The following SAMMSON variants were observed in gnomAD, a reference collection of about 807,000 sequenced individuals.
The protein encoded by SAMMSON is survival associated mitochondrial melanoma specific oncogenic non-coding RNA, also known as long intergenic non-protein coding RNA 1212.
intron 4 of SAMMSON, among the ~76,000 whole-genome samples, chr3:70,089,679 A>G (rs1248717970): frequency 6.6e-6 from 1 of 152,112 alleles, no homozygotes; most frequent in Non-Finnish European, 1.5e-5. Context: ...TATTTTGAGG[A>G]AGAATAAGGT....
At chr3:70,056,549 TTCTCTCTCTC>T (rs138631519) in intron 3 of SAMMSON, among the ~76,000 whole-genome samples, 1 of 149,730 alleles carries the variant, frequency 6.7e-6, no homozygotes, top group Non-Finnish European at 1.5e-5. Context: ...TACATATTGT[TTCTCTCTCTC>T]TCTCTCTCTC....
chr3:70,191,473 G>A (rs1201709097), intron 4 of SAMMSON, among the ~76,000 whole-genome samples: 1 of 152,144 alleles, frequency 6.6e-6, no homozygotes, highest in Admixed American at 6.6e-5. Context: ...TTTCTAAAAT[G>A]GAACACTAAA....
At chr3:70,427,841 T>C (rs541848291) in intron 2 of SAMMSON, among the ~76,000 whole-genome samples, 1 of 152,246 alleles carries the variant, frequency 6.6e-6, no homozygotes, top group African/African-American at 2.4e-5. Context: ...TCAGTGTTAA[T>C]TAACTTCAAG....
At chr3:70,326,875 T>C (rs1702584140) in intron 7 of SAMMSON, among the ~76,000 whole-genome samples, 1 of 152,146 alleles carries the variant, frequency 6.6e-6, no homozygotes, top group African/African-American at 2.4e-5. Context: ...TATATATTTT[T>C]TGAGACAGAG....
chr3:70,226,734 T>C (rs1701510303), intron 4 of SAMMSON, among the ~76,000 whole-genome samples: 1 of 118,972 alleles, frequency 8.4e-6, no homozygotes, highest in African/African-American at 3.8e-5. Context: ...AGAGACTCTG[T>C]CTTAAAAAAA....
intron 3 of SAMMSON, among the ~76,000 whole-genome samples, chr3:70,033,418 A>G (rs1389679070): frequency 6.6e-6 from 1 of 152,020 alleles, no homozygotes; most frequent in Non-Finnish European, 1.5e-5. Context: ...GGGCTGCCAT[A>G]ACATCACCAA....
At chr3:70,083,430 CCGA>C (rs1295545342) in intron 4 of SAMMSON, among the ~76,000 whole-genome samples, 2 of 152,160 alleles carry the variant, frequency 1.3e-5, no homozygotes, top group African/African-American at 4.8e-5. Context: ...ACCTCTATCC[CCGA>C]CTTCTAGCAA....
At chr3:70,057,891 A>G (rs2067173709) in intron 3 of SAMMSON, among the ~76,000 whole-genome samples, 1 of 152,052 alleles carries the variant, frequency 6.6e-6, no homozygotes, top group Non-Finnish European at 1.5e-5. Context: ...TTTGAGTGGA[A>G]AATCCTGTTC....
At chr3:70,392,081 A>G (rs1701053642), downstream of SAMMSON, among the ~76,000 whole-genome samples, 1 of 152,106 alleles carries the variant, frequency 6.6e-6, no homozygotes, top group South Asian at 2.1e-4. Flanking sequence ...GCCCTAGACT[A>G]ATTGGAAATT....
At chr3:70,295,904 T>G (rs976628924) in intron 7 of SAMMSON, among the ~76,000 whole-genome samples, 4 of 152,302 alleles carry the variant, frequency 2.6e-5, no homozygotes, top group East Asian at 3.9e-4. Context: ...TTTCCCATAC[T>G]TGCTCATTAT....
chr3:70,290,531 C>A (rs576722517), intron 6 of SAMMSON, among the ~76,000 whole-genome samples: 7 of 152,324 alleles, frequency 4.6e-5, no homozygotes, highest in Admixed American at 4.6e-4. Context: ...GTGCCCTGCC[C>A]CCAGAGGTGG....
chr3:70,389,298 T>A (rs1281969064), intron 9 of SAMMSON, among the ~76,000 whole-genome samples: 2 of 151,870 alleles, frequency 1.3e-5, no homozygotes, highest in African/African-American at 4.8e-5. Flanking sequence ...TAACTTGAAA[T>A]CTTATAAATC....
At chr3:70,255,565 TCA>T (rs1309435280) in intron 6 of SAMMSON, among the ~76,000 whole-genome samples, 3 of 152,110 alleles carry the variant, frequency 2.0e-5, no homozygotes, top group East Asian at 3.8e-4. Context: ...TCCTCCTGCC[TCA>T]GTCCTCCTGC....
chr3:70,290,705 C>T (rs531541031), intron 6 of SAMMSON, among the ~76,000 whole-genome samples: 1 of 152,132 alleles, frequency 6.6e-6, no homozygotes, highest in Admixed American at 6.5e-5. Flanking sequence ...TGCTAGCAAT[C>T]AGTGAGACTC....
intron 2 of SAMMSON, among the ~76,000 whole-genome samples, chr3:70,404,329 G>A (rs537380422): frequency 6.6e-6 from 1 of 152,186 alleles, no homozygotes; most frequent in South Asian, 2.1e-4. Context: ...GGAATGTTGT[G>A]TATCAAATTT....
At chr3:70,154,679 T>G (rs2067585105) in intron 4 of SAMMSON, among the ~76,000 whole-genome samples, 3 of 152,048 alleles carry the variant, frequency 2.0e-5, no homozygotes, top group Admixed American at 6.6e-5. Context: ...AAGTTTGACT[T>G]TGATTTAGTT....
At chr3:70,293,928 A>G (rs1575618383) in intron 7 of SAMMSON, among the ~76,000 whole-genome samples, 1 of 152,162 alleles carries the variant, frequency 6.6e-6, no homozygotes, top group South Asian at 2.1e-4. Flanking sequence ...CCAGAAAAAA[A>G]GAGCAAAGTT....
At chr3:70,075,249 A>G (rs1179973955) in intron 4 of SAMMSON, 1 of 152,136 alleles carries the variant, frequency 6.6e-6, no homozygotes, top group Non-Finnish European at 1.5e-5. Flanking sequence ...TGCTTTTCTC[A>G]TATAACAACT....
chr3:70,363,597 T>A (rs1260190355), intron 9 of SAMMSON, among the ~76,000 whole-genome samples: 2 of 152,034 alleles, frequency 1.3e-5, no homozygotes, highest in Non-Finnish European at 2.9e-5. Context: ...GAGGACTATG[T>A]ATGTGCATGA....
Sources: allele counts gnomAD v4.1 joint callset (sites outside exome capture counted in the v4.1 genomes callset), GRCh38; gene constraint gnomAD v4.1.1; transcripts MANE v1.5; gene names NCBI Gene and HGNC (gene_info 2026-07-23, HGNC 2026-07-21).